Variants in ZNF3 observed in about 807,000 individuals in gnomAD.
ZNF3 encodes the protein zinc finger protein 3, also known as C2-H2 type zinc finger protein.
In ZNF3, 16 loss-of-function variants were observed where a neutral mutation model predicts 36.9. The observed-to-expected ratio is 0.43, with a 90% CI of 0.29 to 0.66. The LOEUF is 0.66. ZNF3 is among the 30% of genes least tolerant of loss of function. ZNF3 has a pLI of 0.13. For synonymous variants in ZNF3, 201 were observed against 201.9 expected (o/e 1.00, Z 0.04); for missense variants, 462 against 543.1 (o/e 0.85, Z 1.48).
At position 100,081,332 on chromosome 7, in the gene ZNF3, CAAGA is replaced by C. The variant is rs1382526778; in HGVS notation, c.-198+299_-198+302del. 2.0e-5 allele frequency among the ~76,000 whole-genome samples: 3 copies of C among 152,260 alleles called. No homozygotes were observed. The highest frequency in any genetic ancestry group is 2.9e-5 in the Non-Finnish European group (2 of 68,048). On this transcript the variant is annotated intron_variant, in intron 1 of 5. Coordinates refer to ENST00000299667, the MANE Select transcript of ZNF3 (RefSeq NM_032924.5). The surrounding 1 kb of genome is among the most constrained non-coding windows in gnomAD (Gnocchi z 4.3). ...TAGGGTCGCTGTCATTAGCTGCTTTCAAGAGAGAGGCGCCCCTACCGCTCTGCTG... is the reference window on the plus strand; with the variant it reads ...TAGGGTCGCTGTCATTAGCTGCTTTCGAGAGGCGCCCCTACCGCTCTGCTG...
downstream of ZNF3, among the ~76,000 whole-genome samples, chr7:100,066,428 TATTTA>T (rs1326827345): frequency 6.6e-6 from 1 of 151,856 alleles, no homozygotes; most frequent in Non-Finnish European, 1.5e-5. Flanking sequence ...TTTAAATTCA[TATTTA>T]ATTTAAACAA....
At chr7:100,063,883 G>T (rs575445564), downstream of ZNF3, 4 of 1,614,088 alleles carry the variant, frequency 2.5e-6, no homozygotes, top group South Asian at 4.4e-5. Flanking sequence ...TGTGATTATC[G>T]CCAATAAACC....
chr7:100,078,872 C>A (rs559676758), intron 2 of ZNF3: 2 of 152,122 alleles, frequency 1.3e-5, no homozygotes, highest in East Asian at 1.9e-4. Flanking sequence ...CAGACTGTTA[C>A]ACTCACATAA....
Position 100,071,388 on chromosome 7 carries a change from T to TCTCTCCCTACGGTGGGCTC in ZNF3, c.1095_1096insGAGCCCACCGTAGGGAGAG (p.Lys366GlufsTer38). 1 of 1,614,214 alleles carries TCTCTCCCTACGGTGGGCTC rather than the reference T, an allele frequency of 6.2e-7. No homozygotes were observed. Among genetic ancestry groups the TCTCTCCCTACGGTGGGCTC allele is most frequent in the Non-Finnish European group, 8.5e-7 (1 of 1,180,042 alleles). ...CCACATTCCATACATTCGTAGGGCT[T>TCTCTCCCTACGGTGGGCTC]CTCTCCAGTGTGGATTCTCTGGTGC... On this transcript the variant is annotated frameshift_variant, in exon 6 of 6. Coordinates refer to ENST00000299667, the MANE Select transcript of ZNF3 (RefSeq NM_032924.5). LOFTEE classifies it high-confidence loss of function.
downstream of ZNF3, among the ~76,000 whole-genome samples, chr7:100,069,071 G>A (rs930239938): frequency 2.0e-5 from 3 of 151,466 alleles, no homozygotes; most frequent in Admixed American, 6.6e-5. Context: ...CTTGTGATCC[G>A]CCCACCTCGG....
chr7:100,068,999 T>A (rs999483732), downstream of ZNF3, among the ~76,000 whole-genome samples: 1 of 151,592 alleles, frequency 6.6e-6, no homozygotes, highest in African/African-American at 2.4e-5. Flanking sequence ...ATATATAATT[T>A]TTTTTTTTTT....
At chr7:100,066,777 G>A (rs1365994867), downstream of ZNF3, among the ~76,000 whole-genome samples, 2 of 151,782 alleles carry the variant, frequency 1.3e-5, no homozygotes, top group African/African-American at 2.4e-5. Flanking sequence ...GCTCACGCCT[G>A]TAATCCCAAC....
Position 100,070,895 on chromosome 7 carries a change from C to T in ZNF3, c.*248G>A, listed in dbSNP as rs1793022767. The T allele has an allele frequency of 7.7e-7, 1 of 1,293,086 alleles. No homozygotes were observed. Among genetic ancestry groups the T allele is most frequent in the African/African-American group, 1.5e-5 (1 of 67,080 alleles). The allele number at this position is 1,293,086 out of a possible 1,614,324, so 80.1% of individuals were successfully genotyped here. A position where few individuals can be genotyped will look rare whatever the true frequency, so the allele number is the denominator to read the frequency against. On this transcript the variant is annotated 3_prime_UTR_variant, in exon 6 of 6. Coordinates refer to ENST00000299667, the MANE Select transcript of ZNF3 (RefSeq NM_032924.5). The stretch of plus-strand genomic sequence containing the variant: ...TGTGAGAAAAACAGTTTAGTGCAAA[C>T]TCCTTTCCTAAATGGGGTAACTGGT...
chr7:100,080,192 A>G (rs566656757), intron 1 of ZNF3, among the ~76,000 whole-genome samples: 12 of 152,224 alleles, frequency 7.9e-5, no homozygotes, highest in Non-Finnish European at 1.3e-4. Context: ...ACGTTCTGTC[A>G]GCTAACTTGC....
At position 100,071,152 on chromosome 7, in the gene ZNF3, C is replaced by T. The variant is rs1175118976; in HGVS notation, c.1332G>A (p.Glu444=). 6.3e-7 allele frequency: 1 copy of T among 1,585,574 alleles called. No homozygotes were observed. The highest frequency in any genetic ancestry group is 8.6e-7 in the Non-Finnish European group (1 of 1,164,900). ...LRVTTELNIR[E]ST is the part of the protein sequence containing the mutation. ...TGGGTGTGTGGCTCTTTCACGTGGACTCTCTGATATTTAACTCGGTCGTAA... is the reference window on the plus strand; with the variant it reads ...TGGGTGTGTGGCTCTTTCACGTGGATTCTCTGATATTTAACTCGGTCGTAA... Residue 444 remains glutamate (E), a synonymous_variant, in exon 6 of 6, where the codon GAG becomes GAA. Coordinates refer to ENST00000299667, the MANE Select transcript of ZNF3 (RefSeq NM_032924.5).
chr7:100,064,577 A>G (rs1420330634), exon 6 of ZNF3: 1 of 1,614,116 alleles, frequency 6.2e-7, no homozygotes, highest in Non-Finnish European at 8.5e-7. Context: ...AATCTTTCCA[A>G]ACATCAGCGA....
downstream of ZNF3, among the ~76,000 whole-genome samples, chr7:100,065,949 C>T (rs73395934): frequency 4.3e-4 from 63 of 147,818 alleles, no homozygotes; most frequent in African/African-American, 1.5e-3. Flanking sequence ...CCTCAAAAGG[C>T]CTGGGCATTC....
chr7:100,076,721 T>C (rs146462968), intron 3 of ZNF3, among the ~76,000 whole-genome samples: 9 of 152,274 alleles, frequency 5.9e-5, no homozygotes, highest in African/African-American at 2.2e-4. Context: ...GTCGGCTGCA[T>C]AGAATGCCCG....
downstream of ZNF3, among the ~76,000 whole-genome samples, chr7:100,068,282 C>G (rs1026056160): frequency 6.6e-6 from 1 of 152,036 alleles, no homozygotes; most frequent in African/African-American, 2.4e-5. Flanking sequence ...AGAGTTTTAC[C>G]GTGTTGGCCA....
exon 6 of ZNF3, chr7:100,064,131 A>G (rs776069189): frequency 1.9e-6 from 3 of 1,613,828 alleles, no homozygotes; most frequent in Non-Finnish European, 2.5e-6. Context: ...AGTGTGGGAA[A>G]GCTTTCAGCC....
chr7:100,065,096 T>C, downstream of ZNF3: 2 of 902,530 alleles, frequency 2.2e-6, no homozygotes, highest in South Asian at 3.7e-5. Context: ...TACTTACAGA[T>C]GGAGAAAACT....
At chr7:100,067,052 C>T (rs1792688670), downstream of ZNF3, among the ~76,000 whole-genome samples, 1 of 151,804 alleles carries the variant, frequency 6.6e-6, no homozygotes, top group East Asian at 1.9e-4. Flanking sequence ...AAAAATCACC[C>T]TAGTTGCCAC....
exon 6 of ZNF3, chr7:100,064,118 C>T: frequency 1.2e-6 from 2 of 1,613,710 alleles, no homozygotes; most frequent in East Asian, 2.2e-5. Context: ...TACGTGTGCA[C>T]CAAGTGTGGG....
rs1208859074 is a variant in ZNF3, at chr7:100,075,571, C to T, written c.115G>A (p.Ala39Thr). The T allele has an allele frequency of 6.2e-7, 1 of 1,614,124 alleles. No homozygotes were observed. Among genetic ancestry groups the T allele is most frequent in the East Asian group, 2.2e-5 (1 of 44,886 alleles). ...GACTTGGCCTTTAGGAGCGCAGCCG[C>T]CAACATCTCATCCCCCAGGCTGTCC... ...DKDSLGDEML[A>T]AALLKAKSQE... The change falls in exon 4 of 6, where the codon GCG becomes ACG. Residue 39 changes from alanine (A) to threonine (T), a missense_variant. Ala to Thr is a moderately conservative substitution (Grantham distance 58, BLOSUM62 0). Coordinates refer to ENST00000299667, the MANE Select transcript of ZNF3 (RefSeq NM_032924.5).
Sources: allele counts gnomAD v4.1 joint callset (sites outside exome capture counted in the v4.1 genomes callset), GRCh38; gene constraint gnomAD v4.1.1; non-coding constraint Gnocchi (gnomAD v3.1); transcripts MANE v1.5; gene names NCBI Gene and HGNC (gene_info 2026-07-23, HGNC 2026-07-21).